HTR1F: variants seen among roughly 807,000 people sequenced by gnomAD.
HTR1F encodes the protein 5-hydroxytryptamine receptor 1F, also known as 5-hydroxytryptamine (serotonin) receptor 1F, G protein-coupled.
In HTR1F, 17 loss-of-function variants were observed where a neutral mutation model predicts 24.0. The ratio of observed to expected loss-of-function variants is 0.71; its 90% CI spans 0.48 to 1.06. The LOEUF is 1.06. Among genes scored for constraint, HTR1F ranks in the 50% least tolerant of loss-of-function variants. HTR1F has a pLI of 0.00. For synonymous variants in HTR1F, 186 were observed against 156.8 expected (o/e 1.19, Z -1.39); for missense variants, 391 against 427.8 (o/e 0.91, Z 0.76).
chr3:87,806,898 A>G (rs1844431), intron 1 of HTR1F, among the ~76,000 whole-genome samples: 5,495 of 151,724 alleles, frequency 0.036, 425 homozygotes, highest in Admixed American at 0.19. Context: ...AGACTCCCCA[A>G]TGTATGTTCT....
intron 2 of HTR1F, among the ~76,000 whole-genome samples, chr3:87,921,217 A>G (rs1236338371): frequency 6.6e-6 from 1 of 152,040 alleles, no homozygotes; most frequent in African/African-American, 2.4e-5. Context: ...AACAGCCTAT[A>G]TCATAATTGA....
At chr3:87,865,209 T>G (rs1410842423) in intron 2 of HTR1F, among the ~76,000 whole-genome samples, 49 of 152,192 alleles carry the variant, frequency 3.2e-4, no homozygotes, top group Admixed American at 3.2e-3. Flanking sequence ...TGGTTTTTTT[T>G]GCCTTACATC....
chr3:87,887,852 C>A (rs1440607292), intron 2 of HTR1F, among the ~76,000 whole-genome samples: 4 of 151,982 alleles, frequency 2.6e-5, no homozygotes, highest in Non-Finnish European at 5.9e-5. Flanking sequence ...AGAAATGGAA[C>A]ACTTTTACAC....
At chr3:87,794,262 C>A (rs906131803) in intron 1 of HTR1F, among the ~76,000 whole-genome samples, 1 of 152,152 alleles carries the variant, frequency 6.6e-6, no homozygotes, top group African/African-American at 2.4e-5. Flanking sequence ...TCTCCATTTT[C>A]CCCTCCCCAA....
At chr3:87,942,203 G>C (rs1199833118) in intron 2 of HTR1F, among the ~76,000 whole-genome samples, 8 of 152,260 alleles carry the variant, frequency 5.3e-5, no homozygotes, top group Non-Finnish European at 7.4e-5. Context: ...TAACAAGGGA[G>C]TGGGGCTTTC....
At chr3:87,938,841 G>T (rs553396103) in intron 2 of HTR1F, among the ~76,000 whole-genome samples, 1 of 152,214 alleles carries the variant, frequency 6.6e-6, no homozygotes, top group South Asian at 2.1e-4. Context: ...AAACCTGGAA[G>T]ACAACCTAGC....
At chr3:87,826,966 A>G (rs1704476953) in intron 2 of HTR1F, among the ~76,000 whole-genome samples, 2 of 152,060 alleles carry the variant, frequency 1.3e-5, no homozygotes, top group Non-Finnish European at 1.5e-5. Context: ...ATGGGCCACC[A>G]TGCCCGGCTA....
At chr3:87,805,318 T>A (rs1335291995) in intron 1 of HTR1F, among the ~76,000 whole-genome samples, 1 of 152,084 alleles carries the variant, frequency 6.6e-6, no homozygotes, top group Non-Finnish European at 1.5e-5. Flanking sequence ...TTTATTAGAA[T>A]AGCAGTTTGA....
intron 2 of HTR1F, among the ~76,000 whole-genome samples, chr3:87,885,601 C>G (rs1303480138): frequency 8.4e-6 from 1 of 119,026 alleles, no homozygotes; most frequent in Admixed American, 7.4e-5. Context: ...GCTAGCAAGA[C>G]TAATAAAGAA....
chr3:87,936,296 T>C (rs1210810124), intron 2 of HTR1F, among the ~76,000 whole-genome samples: 3 of 152,230 alleles, frequency 2.0e-5, no homozygotes, highest in African/African-American at 7.2e-5. Context: ...TAAGTCTTTG[T>C]CTTGTAACTT....
intron 2 of HTR1F, among the ~76,000 whole-genome samples, chr3:87,874,838 A>G (rs2107265660): frequency 6.6e-6 from 1 of 152,260 alleles, no homozygotes; most frequent in East Asian, 1.9e-4. Context: ...CCAGAAGTAT[A>G]TGGTTAAATA....
At chr3:87,822,969 T>A (rs547526704) in intron 2 of HTR1F, among the ~76,000 whole-genome samples, 13 of 152,282 alleles carry the variant, frequency 8.5e-5, no homozygotes, top group Non-Finnish European at 1.6e-4. Context: ...ACCTTCCCAA[T>A]CTTACACAGT....
chr3:87,893,314 T>G (rs1385539374), intron 2 of HTR1F, among the ~76,000 whole-genome samples: 1 of 152,224 alleles, frequency 6.6e-6, no homozygotes, highest in African/African-American at 2.4e-5. Flanking sequence ...CTAGTACATG[T>G]ATGAGTCTGT....
intron 2 of HTR1F, among the ~76,000 whole-genome samples, chr3:87,949,792 T>C (rs1960034): frequency 1.2e-3 from 177 of 152,130 alleles, no homozygotes; most frequent in Non-Finnish European, 2.2e-3. Flanking sequence ...TTTTCTGTGA[T>C]AGCCCTTGGG....
intron 2 of HTR1F, among the ~76,000 whole-genome samples, chr3:87,888,224 A>G (rs1168470004): frequency 6.6e-6 from 1 of 152,200 alleles, no homozygotes; most frequent in Non-Finnish European, 1.5e-5. Context: ...CAAGTACAGA[A>G]AACCAAACAC....
intron 2 of HTR1F, among the ~76,000 whole-genome samples, chr3:87,919,219 C>T (rs897712769): frequency 1.3e-5 from 2 of 152,010 alleles, no homozygotes; most frequent in Non-Finnish European, 2.9e-5. Flanking sequence ...ATATAAAAAT[C>T]ATTCAAGATG....
chr3:87,960,105 CA>C (rs200567317), intron 2 of HTR1F, among the ~76,000 whole-genome samples: 3,112 of 151,712 alleles, frequency 0.021, 102 homozygotes, highest in African/African-American at 0.071. Flanking sequence ...TTTAAAATCC[CA>C]ACGCCTCTGC....
chr3:87,797,978 A>G (rs1703932905), intron 1 of HTR1F, among the ~76,000 whole-genome samples: 1 of 152,168 alleles, frequency 6.6e-6, no homozygotes, highest in South Asian at 2.1e-4. Flanking sequence ...GGACAGTGCC[A>G]TTTCCCAGAA....
intron 2 of HTR1F, among the ~76,000 whole-genome samples, chr3:87,979,590 C>T (rs1705497339): frequency 1.3e-5 from 2 of 152,190 alleles, no homozygotes; most frequent in Admixed American, 6.5e-5. Flanking sequence ...TAGGTTGTCA[C>T]TTTTCCAGTC....
Sources: gnomAD v4.1 joint callset for allele counts (sites outside exome capture counted in the v4.1 genomes callset) on GRCh38, gnomAD v4.1.1 for gene constraint, MANE v1.5 for transcripts, NCBI Gene and HGNC (gene_info 2026-07-23, HGNC 2026-07-21) for gene names.